Variants in SLC8B1 observed in about 807,000 individuals in gnomAD.
SLC8B1 encodes the protein mitochondrial sodium/calcium exchanger protein.
In SLC8B1, 52 loss-of-function variants were observed where a neutral mutation model predicts 63.4. That is an observed-to-expected ratio of 0.82 (90% confidence interval 0.66 to 1.03). The LOEUF is 1.03. Ranked by LOEUF, SLC8B1 falls within the 50% of genes least tolerant of loss-of-function variation. SLC8B1 has a pLI of 0.00. For synonymous variants in SLC8B1, 336 were observed against 323.9 expected (o/e 1.04, Z -0.40); for missense variants, 657 against 741.7 (o/e 0.89, Z 1.33).
chr12:113,318,658 G>A (rs762378143), intron 8 of SLC8B1, among the ~76,000 whole-genome samples: 1 of 152,158 alleles, frequency 6.6e-6, no homozygotes, highest in African/African-American at 2.4e-5. Context: ...TCACGGCAGC[G>A]TTTGTGTTTT....
chr12:113,312,273 A>G (rs1402003682), intron 11 of SLC8B1, among the ~76,000 whole-genome samples: 2 of 152,104 alleles, frequency 1.3e-5, no homozygotes, highest in East Asian at 3.9e-4. Context: ...ATCAGTACTA[A>G]AAATACAAAA....
chr12:113,329,614 G>T (rs376300426), intron 2 of SLC8B1, among the ~76,000 whole-genome samples: 1 of 152,154 alleles, frequency 6.6e-6, no homozygotes, highest in Non-Finnish European at 1.5e-5. Flanking sequence ...GACAGAGTAA[G>T]GTGGGATTGC....
rs554527097 is a variant in SLC8B1 at position 113,313,547 on chromosome 12, C to A, written c.1135+1788G>T. Among the ~76,000 whole-genome samples, 588 of 152,242 alleles carry A rather than the reference C, an allele frequency of 3.9e-3. 5 individuals are homozygous for A. The highest frequency in any genetic ancestry group is 0.013 in the African/African-American group (560 of 41,530). ...CCTGAGGTCAAGAGTTTGAGACCAG[C>A]CTGGCCGACATAGTGAAACCCCGCC... On this transcript the variant is annotated intron_variant, in intron 11 of 15. Coordinates refer to ENST00000680972, the MANE Select transcript of SLC8B1 (RefSeq NM_001358345.2).
chr12:113,326,514 T>C (rs1956998626), intron 2 of SLC8B1, among the ~76,000 whole-genome samples: 1 of 152,068 alleles, frequency 6.6e-6, no homozygotes, highest in African/African-American at 2.4e-5. Flanking sequence ...ATCACAGATA[T>C]GTGCCACCAC....
chr12:113,314,966 C>A (rs1444519629), intron 11 of SLC8B1, among the ~76,000 whole-genome samples: 4 of 152,158 alleles, frequency 2.6e-5, no homozygotes, highest in African/African-American at 9.7e-5. Context: ...TGCCTCTAGC[C>A]CAAACCTCCC....
At position 113,321,128 on chromosome 12, in the gene SLC8B1, G is replaced by A. The variant is rs750307325; in HGVS notation, c.310-20C>T. ...GGAAACCTGGGTGGGGAGCGGGCGA[G>A]GAAGGGAGAGTCAAGTCCAGCTGGA... On this transcript the variant is annotated intron_variant, in intron 3 of 15. Transcript: ENST00000680972. 8 of 1,614,020 alleles carry A rather than the reference G, an allele frequency of 5.0e-6. No individual in the cohort carries two copies. Among genetic ancestry groups the A allele is most frequent in the Non-Finnish European group, 5.9e-6 (7 of 1,179,926 alleles).
chr12:113,311,921 T>G (rs1287977899), intron 11 of SLC8B1, among the ~76,000 whole-genome samples: 1 of 151,960 alleles, frequency 6.6e-6, no homozygotes, highest in Non-Finnish European at 1.5e-5. Context: ...CAGCTTTGGA[T>G]CCAGACACCT....
rs1298619464 is a variant in SLC8B1 at position 113,321,197 on chromosome 12, TAG to T, written c.306_307del (p.Tyr103ArgfsTer50). 3.7e-5 allele frequency: 59 copies of T among 1,613,884 alleles called. No homozygotes were observed. The highest frequency in any genetic ancestry group is 4.9e-5 in the Non-Finnish European group (58 of 1,179,898). ...CAGCCCCCCAGGGCAGGGCCTCACG[TAG>T]AGAGTGACAGCCAGAGGGAGGAGGC... is the stretch of plus-strand genomic sequence containing the variant. On this transcript the variant is annotated frameshift_variant and splice_region_variant, in exon 3 of 16. Transcript: ENST00000680972. LOFTEE classifies it high-confidence loss of function.
In SLC8B1 at chr12:113,335,072, G is replaced by T. The variant is rs1275634806; in HGVS notation, c.-712C>A. On this transcript the variant is annotated 5_prime_UTR_variant, in exon 1 of 16. Coordinates refer to ENST00000680972, the MANE Select transcript of SLC8B1 (RefSeq NM_001358345.2). ...CAGCCTTCCAGGTCCCTGGCCGCCG[G>T]ACCGACCTTGCGCCAGCGAAGCCGC... The T allele has an allele frequency of 6.6e-6, 1 of 152,428 alleles. No individual in the cohort carries two copies. Among genetic ancestry groups the T allele is most frequent in the Admixed American group, 6.5e-5 (1 of 15,288 alleles). The allele number at this position is 152,428 out of a possible 1,614,324, so 9.4% of individuals were successfully genotyped here.
At chr12:113,324,627 A>C (rs567073916) in intron 2 of SLC8B1, among the ~76,000 whole-genome samples, 1 of 151,154 alleles carries the variant, frequency 6.6e-6, no homozygotes, top group South Asian at 2.1e-4. Flanking sequence ...GGCTGGTCTC[A>C]AACTTCTGAC....
intron 2 of SLC8B1, among the ~76,000 whole-genome samples, chr12:113,326,776 A>C (rs1957001896): frequency 1.3e-5 from 2 of 151,430 alleles, no homozygotes; most frequent in South Asian, 4.2e-4. Flanking sequence ...TCTTAGGCTT[A>C]AGGAATTCCC....
chr12:113,332,098 AGGT>A (rs1957063579), intron 2 of SLC8B1, among the ~76,000 whole-genome samples: 1 of 152,086 alleles, frequency 6.6e-6, no homozygotes, highest in Non-Finnish European at 1.5e-5. Context: ...GTGTCAATGT[AGGT>A]GGTTTCCTCT....
intron 7 of SLC8B1, 139 bp from the exon 8 acceptor site, chr12:113,319,210 T>A: frequency 1.5e-6 from 1 of 646,194 alleles, no homozygotes; most frequent in Admixed American, 2.3e-5. Context: ...GTAAATGGCC[T>A]TTTCCTTGAG....
intron 11 of SLC8B1, among the ~76,000 whole-genome samples, chr12:113,313,639 G>C (rs1956792989): frequency 6.6e-6 from 1 of 152,160 alleles, no homozygotes; most frequent in Non-Finnish European, 1.5e-5. Flanking sequence ...TACTCAGAAG[G>C]CTGAGGCAGG....
intron 2 of SLC8B1, among the ~76,000 whole-genome samples, chr12:113,322,397 A>G (rs1014660227): frequency 6.6e-6 from 1 of 152,104 alleles, no homozygotes; most frequent in Non-Finnish European, 1.5e-5. Context: ...ATTTCATACT[A>G]TGGGTGATAC....
intron 2 of SLC8B1, among the ~76,000 whole-genome samples, chr12:113,322,057 G>T (rs962267749): frequency 2.0e-5 from 3 of 152,026 alleles, no homozygotes; most frequent in African/African-American, 7.3e-5. Flanking sequence ...AATTAGGTAG[G>T]CATGGTGATG....
At chr12:113,302,226 C>T (rs1956597963) in intron 15 of SLC8B1, 1 of 160,532 alleles carries the variant, frequency 6.2e-6, no homozygotes, top group African/African-American at 2.4e-5. Flanking sequence ...AATCCAATGA[C>T]TCATGTCTCC....
intron 2 of SLC8B1, among the ~76,000 whole-genome samples, chr12:113,325,819 T>C (rs2136862975): frequency 6.6e-6 from 1 of 152,344 alleles, no homozygotes; most frequent in East Asian, 1.9e-4. Flanking sequence ...CGCCTCGGCC[T>C]CCCAAAGTGC....
intron 2 of SLC8B1, among the ~76,000 whole-genome samples, chr12:113,330,370 T>C (rs552767637): frequency 6.6e-6 from 1 of 152,340 alleles, no homozygotes; most frequent in South Asian, 2.1e-4. Flanking sequence ...ATCTGTCCTG[T>C]GAGGCGGTGG....
Sources: gnomAD v4.1 joint callset for allele counts (sites outside exome capture counted in the v4.1 genomes callset) on GRCh38, gnomAD v4.1.1 for gene constraint, MANE v1.5 for transcripts, NCBI Gene and HGNC (gene_info 2026-07-23, HGNC 2026-07-21) for gene names.